The following NTRK2 variants were observed in gnomAD, a reference collection of about 807,000 sequenced individuals.
The protein encoded by NTRK2 is neurotrophic receptor tyrosine kinase 2, also known as BDNF/NT-3 growth factors receptor.
In NTRK2, 13 loss-of-function variants were observed where a neutral mutation model predicts 94.5. The ratio of observed to expected loss-of-function variants is 0.14; its 90% CI spans 0.09 to 0.22. The LOEUF (loss-of-function observed/expected upper bound fraction) is 0.22, where lower values mean the gene tolerates loss of function less well. NTRK2 is among the 10% of genes least tolerant of loss of function. The pLI is 1.00. For missense variants in NTRK2, 639 were observed against 1,071.2 expected (o/e 0.60, Z 5.63); for synonymous variants, 372 against 407.4 (o/e 0.91, Z 1.05).
At chr9:84,981,403 C>T (rs1279601464) in intron 17 of NTRK2, among the ~76,000 whole-genome samples, 1 of 152,026 alleles carries the variant, frequency 6.6e-6, no homozygotes, top group Non-Finnish European at 1.5e-5. Context: ...CACCTGGCCT[C>T]AACATTTAAC....
intron 12 of NTRK2, among the ~76,000 whole-genome samples, chr9:84,805,732 G>A (rs2071034035): frequency 6.6e-6 from 1 of 152,208 alleles, no homozygotes; most frequent in Non-Finnish European, 1.5e-5. Context: ...ATTGGGTCAT[G>A]AGGCCTCTGC....
At chr9:85,007,989 T>A (rs1283999753) in intron 17 of NTRK2, among the ~76,000 whole-genome samples, 1 of 152,156 alleles carries the variant, frequency 6.6e-6, no homozygotes, top group Non-Finnish European at 1.5e-5. Context: ...AAAACTTCAG[T>A]GAGGAACTGG....
At chr9:84,705,499 G>A (rs542714653) in intron 4 of NTRK2, among the ~76,000 whole-genome samples, 1 of 152,210 alleles carries the variant, frequency 6.6e-6, no homozygotes, top group South Asian at 2.1e-4. Flanking sequence ...TTCTTTGGCC[G>A]GTAACCCCGC....
At chr9:84,908,507 C>T (rs2077142822) in intron 14 of NTRK2, among the ~76,000 whole-genome samples, 1 of 152,178 alleles carries the variant, frequency 6.6e-6, no homozygotes, top group Admixed American at 6.5e-5. Context: ...CATTAATTTA[C>T]TTGATGACAC....
intron 15 of NTRK2, among the ~76,000 whole-genome samples, chr9:84,938,357 G>A (rs891473004): frequency 1.3e-5 from 2 of 152,094 alleles, no homozygotes; most frequent in African/African-American, 4.8e-5. Context: ...CCATTTCCAT[G>A]TCGGGATGGC....
At chr9:84,966,865 A>T (rs1825616202) in intron 17 of NTRK2, among the ~76,000 whole-genome samples, 1 of 152,216 alleles carries the variant, frequency 6.6e-6, no homozygotes, top group African/African-American at 2.4e-5. Flanking sequence ...TCTAAAGGAG[A>T]ATAGTTGCTG....
At chr9:84,812,479 A>G in intron 12 of NTRK2, 1 of 1,050,404 alleles carries the variant, frequency 9.5e-7, no homozygotes, top group South Asian at 4.6e-5. Context: ...CTGAATTCCC[A>G]TTTTCTTGTT....
intron 2 of NTRK2, among the ~76,000 whole-genome samples, chr9:84,701,611 T>C (rs2060726344): frequency 6.6e-6 from 1 of 152,058 alleles, no homozygotes; most frequent in African/African-American, 2.4e-5. Flanking sequence ...AAAGGAAAGA[T>C]TGATACTGTT....
intron 14 of NTRK2, among the ~76,000 whole-genome samples, chr9:84,899,518 T>C (rs952426236): frequency 6.6e-6 from 1 of 152,220 alleles, no homozygotes; most frequent in African/African-American, 2.4e-5. Flanking sequence ...CATGACCTAC[T>C]TCCCAGTCTG....
intron 12 of NTRK2, among the ~76,000 whole-genome samples, chr9:84,759,115 A>C (rs2065322179): frequency 6.6e-6 from 1 of 152,258 alleles, no homozygotes; most frequent in Admixed American, 6.5e-5. Context: ...TTCAGTTGAA[A>C]GAGTCATTGA....
At chr9:84,914,378 A>G (rs1433817592) in intron 14 of NTRK2, among the ~76,000 whole-genome samples, 4 of 152,256 alleles carry the variant, frequency 2.6e-5, no homozygotes, top group Middle Eastern at 6.8e-3. Context: ...TTTCTGGTTC[A>G]TGATATGATG....
At chr9:84,912,611 C>CTTTTTTTTTTTTTTTTT (rs1212242779) in intron 14 of NTRK2, among the ~76,000 whole-genome samples, 1 of 95,244 alleles carries the variant, frequency 1.0e-5, no homozygotes, top group African/African-American at 4.2e-5. Context: ...TTTGACTTGC[C>CTTTTTTTTTTTTTTTTT]TTTTTTTTTT....
chr9:84,806,121 G>A (rs552147739), intron 12 of NTRK2, among the ~76,000 whole-genome samples: 4 of 152,310 alleles, frequency 2.6e-5, no homozygotes, highest in South Asian at 2.1e-4. Context: ...TTTGTGTGAG[G>A]CCATGTTGAG....
At chr9:84,695,323 T>C (rs1338870534) in intron 2 of NTRK2, among the ~76,000 whole-genome samples, 1 of 152,202 alleles carries the variant, frequency 6.6e-6, no homozygotes, top group African/African-American at 2.4e-5. Context: ...ACAAGATGCA[T>C]TAGATACTAC....
At chr9:84,696,070 C>G (rs1191991038) in intron 2 of NTRK2, among the ~76,000 whole-genome samples, 2 of 152,152 alleles carry the variant, frequency 1.3e-5, no homozygotes, top group Non-Finnish European at 2.9e-5. Flanking sequence ...GTGCAGTTGG[C>G]GCTATCATGG....
At chr9:84,859,505 G>C (rs7859023) in intron 12 of NTRK2, among the ~76,000 whole-genome samples, 1 of 152,094 alleles carries the variant, frequency 6.6e-6, no homozygotes, top group Non-Finnish European at 1.5e-5. Flanking sequence ...AGCACTTAAG[G>C]TGTGTAAAGA....
chr9:84,810,015 T>G (rs551661521), intron 12 of NTRK2, among the ~76,000 whole-genome samples: 106 of 152,344 alleles, frequency 7.0e-4, no homozygotes, highest in Admixed American at 2.1e-3. Context: ...TAGAAAAGAT[T>G]TGCTAAAATT....
intron 12 of NTRK2, among the ~76,000 whole-genome samples, chr9:84,754,121 T>G (rs2064870032): frequency 6.6e-6 from 1 of 152,170 alleles, no homozygotes; most frequent in African/African-American, 2.4e-5. Flanking sequence ...CACTAAAGCG[T>G]CTACGTTTTC....
At chr9:84,763,641 C>T (rs1446866088) in intron 12 of NTRK2, among the ~76,000 whole-genome samples, 1 of 152,026 alleles carries the variant, frequency 6.6e-6, no homozygotes, top group East Asian at 1.9e-4. Flanking sequence ...CATGTTTTTC[C>T]TAAAACTGAG....
Sources: gnomAD v4.1 joint callset for allele counts (sites outside exome capture counted in the v4.1 genomes callset) on GRCh38, gnomAD v4.1.1 for gene constraint, MANE v1.5 for transcripts, NCBI Gene and HGNC (gene_info 2026-07-23, HGNC 2026-07-21) for gene names.